Variants in PDE10A observed in about 807,000 individuals in gnomAD.
PDE10A encodes cAMP and cAMP-inhibited cGMP 3',5'-cyclic phosphodiesterase 10A.
A neutral mutation model predicts 97.7 loss-of-function variants in PDE10A; 39 were observed. The ratio of observed to expected loss-of-function variants is 0.40; its 90% confidence interval spans 0.31 to 0.52. The LOEUF (loss-of-function observed/expected upper bound fraction) is 0.52. Among genes scored for constraint, PDE10A ranks in the 20% least tolerant of loss-of-function variants. The pLI is 0.56. For synonymous variants in PDE10A, 371 were observed against 376.8 expected, an observed-to-expected ratio of 0.98 and a Z score of 0.18; for missense variants, 731 against 1,047.8, an observed-to-expected ratio of 0.70 and a Z score of 4.17.
intron 1 of PDE10A, among the ~76,000 whole-genome samples, chr6:165,841,353 G>T (rs1028673244): frequency 1.3e-5 from 2 of 152,234 alleles, no homozygotes; most frequent in African/African-American, 4.8e-5. Flanking sequence ...GGCCCATGGA[G>T]ATCGGCCCTG....
chr6:165,525,085 C>T (rs1782352330), intron 2 of PDE10A, among the ~76,000 whole-genome samples: 1 of 152,188 alleles, frequency 6.6e-6, no homozygotes, highest in East Asian at 1.9e-4. Context: ...GGAGCCACCC[C>T]CAATACTCCT....
intron 18 of PDE10A, among the ~76,000 whole-genome samples, chr6:165,353,352 T>C (rs1782819734): frequency 6.6e-6 from 1 of 152,220 alleles, no homozygotes; most frequent in African/African-American, 2.4e-5. Context: ...GACATACTCT[T>C]ATAATATGAC....
At chr6:165,967,537 C>A (rs1204750920) in intron 1 of PDE10A, among the ~76,000 whole-genome samples, 1 of 152,216 alleles carries the variant, frequency 6.6e-6, no homozygotes, top group Admixed American at 6.5e-5. Flanking sequence ...ATTTTGAACA[C>A]CATTCGTATC....
intron 5 of PDE10A, among the ~76,000 whole-genome samples, chr6:165,445,406 G>C (rs1790774875): frequency 6.6e-6 from 1 of 152,174 alleles, no homozygotes; most frequent in South Asian, 2.1e-4. Context: ...TTTCTCTTGA[G>C]GGAATTACTA....
chr6:165,627,120 C>T (rs1307200659), intron 1 of PDE10A, among the ~76,000 whole-genome samples: 4 of 152,136 alleles, frequency 2.6e-5, no homozygotes, highest in Non-Finnish European at 4.4e-5. Flanking sequence ...CTTAGGTGCA[C>T]AAAGAAGTTT....
chr6:165,519,007 G>A (rs1781982306), intron 2 of PDE10A, among the ~76,000 whole-genome samples: 1 of 152,078 alleles, frequency 6.6e-6, no homozygotes, highest in Non-Finnish European at 1.5e-5. Flanking sequence ...GAATGGAAAG[G>A]GTTTTGAATA....
At chr6:165,561,486 G>A (rs1318611692) in intron 1 of PDE10A, among the ~76,000 whole-genome samples, 2 of 152,122 alleles carry the variant, frequency 1.3e-5, no homozygotes, top group East Asian at 3.8e-4. Context: ...GTAAAATCAT[G>A]TAAGCCAAAA....
intron 1 of PDE10A, among the ~76,000 whole-genome samples, chr6:165,695,530 G>T (rs1366051258): frequency 6.6e-6 from 1 of 152,186 alleles, no homozygotes; most frequent in African/African-American, 2.4e-5. Flanking sequence ...AACCCCTCAT[G>T]CCCTGCCGCC....
chr6:165,546,052 T>C (rs1783720376), intron 1 of PDE10A, among the ~76,000 whole-genome samples: 1 of 152,038 alleles, frequency 6.6e-6, no homozygotes, highest in South Asian at 2.1e-4. Context: ...CAAACTGTGA[T>C]ACATCCATAC....
intron 1 of PDE10A, among the ~76,000 whole-genome samples, chr6:165,686,826 C>T (rs1011993960): frequency 2.0e-5 from 3 of 152,188 alleles, no homozygotes; most frequent in Admixed American, 6.5e-5. Flanking sequence ...CCAGCACCTC[C>T]GCGGCTCATT....
At chr6:165,481,741 C>CTTAGAG (rs1554270458) in intron 3 of PDE10A, among the ~76,000 whole-genome samples, 2 of 151,220 alleles carry the variant, frequency 1.3e-5, no homozygotes, top group African/African-American at 4.9e-5. Context: ...TGCTAAGACT[C>CTTAGAG]TTAACTAGGC....
intron 1 of PDE10A, among the ~76,000 whole-genome samples, chr6:165,782,381 G>A (rs1356712185): frequency 6.6e-6 from 1 of 152,182 alleles, no homozygotes; most frequent in Non-Finnish European, 1.5e-5. Flanking sequence ...CATCTTCACC[G>A]TAAATCACTC....
intron 1 of PDE10A, among the ~76,000 whole-genome samples, chr6:165,876,242 A>G (rs1304852149): frequency 6.6e-6 from 1 of 152,248 alleles, no homozygotes; most frequent in African/African-American, 2.4e-5. Flanking sequence ...AGAAAATATT[A>G]CATTAAAAAA....
At chr6:165,417,690 A>G (rs16897839) in intron 11 of PDE10A, among the ~76,000 whole-genome samples, 2,429 of 152,314 alleles carry the variant, frequency 0.016, 72 homozygotes, top group African/African-American at 0.054. Flanking sequence ...GTACCAATAT[A>G]GTGCCTATAA....
At chr6:165,893,639 G>A (rs146549721) in intron 1 of PDE10A, among the ~76,000 whole-genome samples, 1,904 of 152,164 alleles carry the variant, frequency 0.013, 21 homozygotes, top group Middle Eastern at 0.041. Context: ...CTAGGCCTCT[G>A]GTCACCCCAT....
upstream of PDE10A, among the ~76,000 whole-genome samples, chr6:165,666,847 C>T (rs1202355408): frequency 2.0e-5 from 3 of 152,196 alleles, no homozygotes; most frequent in Non-Finnish European, 4.4e-5. Context: ...GCATTGACAG[C>T]TCCATTTTAA....
In PDE10A at chr6:165,509,629, A is replaced by G. The variant is rs564704955; in HGVS notation, c.995-27286T>C. Among the ~76,000 whole-genome samples the G allele has an allele frequency of 6.6e-5, 10 of 151,062 alleles. No individual in the cohort carries two copies. The South Asian group carries it at 2.1e-3, about 32-fold the overall frequency. The stretch of plus-strand genomic sequence containing the variant: ...TGTGAAAAATGACATTGGTACTTTG[A>G]TAAGGATTGCATTGAATCTGTATAT... On this transcript the variant is annotated intron_variant, in intron 2 of 21. Transcript: ENST00000539869.
intron 1 of PDE10A, among the ~76,000 whole-genome samples, chr6:165,900,394 C>T (rs1180735824): frequency 2.6e-5 from 4 of 152,030 alleles, no homozygotes; most frequent in Non-Finnish European, 5.9e-5. Flanking sequence ...ATGGCTTGAA[C>T]CCAGGAGGTG....
At chr6:165,826,484 C>CATCCCTCTGTCCCTGT (rs1554328571) in intron 1 of PDE10A, among the ~76,000 whole-genome samples, 1 of 150,252 alleles carries the variant, frequency 6.7e-6, no homozygotes, top group Non-Finnish European at 1.5e-5. Context: ...CCTGTCCCCA[C>CATCCCTCTGTCCCTGT]GTCCCTCTGT....
Sources: allele counts gnomAD v4.1 joint callset (sites outside exome capture counted in the v4.1 genomes callset), GRCh38; gene constraint gnomAD v4.1.1; transcripts MANE v1.5; gene names NCBI Gene and HGNC (gene_info 2026-07-23, HGNC 2026-07-21).